The following KCNH3 variants were observed in gnomAD, a reference collection of about 807,000 sequenced individuals.
KCNH3 encodes the protein voltage-gated inwardly rectifying potassium channel KCNH3.
A neutral mutation model predicts 95.6 loss-of-function variants in KCNH3; 36 were observed. The observed-to-expected ratio is 0.38, with a 90% CI of 0.29 to 0.50. The LOEUF (loss-of-function observed/expected upper bound fraction) is 0.50. KCNH3 is among the 20% of genes least tolerant of loss of function. The probability of loss-of-function intolerance (pLI) is 0.95; values close to 1 mark genes in which losing one functional copy is unlikely to be tolerated. For synonymous variants in KCNH3, 620 were observed against 646.3 expected (o/e 0.96, Z 0.62); for missense variants, 1,030 against 1,484.1 (o/e 0.69, Z 5.03).
chr12:49,540,156 C>T (rs1246647380), intron 1 of KCNH3, among the ~76,000 whole-genome samples: 3 of 152,158 alleles, frequency 2.0e-5, no homozygotes, highest in African/African-American at 7.2e-5. Flanking sequence ...CTCACATCCC[C>T]CGTGGGGCTT....
Position 49,549,455 on chromosome 12 carries a change from G to A in KCNH3, c.1483G>A (p.Val495Met). 1 of 1,613,530 alleles carries A rather than the reference G, an allele frequency of 6.2e-7. No individual in the cohort carries two copies. Among genetic ancestry groups the A allele is most frequent in the Non-Finnish European group, 8.5e-7 (1 of 1,180,000 alleles). ...TMLIGALMHAVVFGNVTAIIQ... is the reference protein window; with the variant it reads ...TMLIGALMHAMVFGNVTAIIQ... ...CCCTCCCCCAGCCCTGATGCACGCG[G>A]TGGTGTTTGGGAACGTGACGGCCAT... is the stretch of plus-strand genomic sequence containing the variant. Residue 495 changes from valine (V) to methionine (M), a missense_variant, in exon 9 of 15, where the codon GTG becomes ATG. Val to Met is a conservative substitution (Grantham distance 21). Transcript: ENST00000257981.
rs1251352970 is a variant in KCNH3, at chr12:49,541,480, G to A, written c.311-150G>A. On this transcript the variant is annotated intron_variant, in intron 2 of 14. Coordinates refer to ENST00000257981, the MANE Select transcript of KCNH3 (RefSeq NM_012284.3). ...CCTTCCCCCAATTCCATCAAGCCCT[G>A]CCTTCAGTGAAACTGGACTGCCAGC... 1.7e-5 allele frequency: 15 copies of A among 897,774 alleles called. No individual in the cohort carries two copies. In the East Asian group the frequency reaches 3.6e-4, roughly 22 times the overall value. The allele number at this position is 897,774 out of a possible 1,614,324, so 55.6% of individuals were successfully genotyped here.
In KCNH3 at chr12:49,557,269, G is replaced by A; in HGVS notation, c.2652+10G>A. 1 of 1,613,952 alleles carries A rather than the reference G, an allele frequency of 6.2e-7. No individual in the cohort carries two copies. The highest frequency in any genetic ancestry group is 1.1e-5 in the South Asian group (1 of 91,066). ...CAAGCTTCGGCAGGCGGTGGGTGAG[G>A]GGGAAGGTGGAGGTGAGGGGGGCAC... On this transcript the variant is annotated intron_variant, in intron 14 of 14. Transcript: ENST00000257981.
rs766522629 is a variant in KCNH3, at chr12:49,557,209, G to A, written c.2602G>A (p.Gly868Arg). The change falls in exon 14 of 15, where the codon GGG (glycine) becomes AGG (arginine). Residue 868 changes from glycine to arginine, a missense_variant. Gly to Arg is a moderately radical substitution (Grantham distance 125). Coordinates refer to ENST00000257981, the MANE Select transcript of KCNH3 (RefSeq NM_012284.3). ...GAGCGGCCTGCTCACTGTTCCCCATGGGCCCAGCGAGGCAAGGAACACAGA... is the reference window on the plus strand; with the variant it reads ...GAGCGGCCTGCTCACTGTTCCCCATAGGCCCAGCGAGGCAAGGAACACAGA... ...PESGLLTVPH[G>R]PSEARNTDTL... The A allele has an allele frequency of 2.5e-6, 4 of 1,613,866 alleles. No homozygotes were observed. Among genetic ancestry groups the A allele is most frequent in the Admixed American group, 3.3e-5 (2 of 60,004 alleles).
intron 11 of KCNH3, among the ~76,000 whole-genome samples, chr12:49,554,782 C>T (rs1938377126): frequency 6.6e-6 from 1 of 152,204 alleles, no homozygotes; most frequent in African/African-American, 2.4e-5. Context: ...GGCAGCCTTA[C>T]CCTGTCCAGA....
chr12:49,558,086 A>G lies in KCNH3; in HGVS notation c.*133A>G. On this transcript the variant is annotated 3_prime_UTR_variant, in exon 15 of 15. Coordinates refer to ENST00000257981, the MANE Select transcript of KCNH3 (RefSeq NM_012284.3). ...GCTGGCTCAGGGCAGGGAGCCTGGA[A>G]GCAAAGGAGGACCTGGCTCCTGACT... The G allele has an allele frequency of 9.6e-7, 1 of 1,046,568 alleles. No homozygotes were observed. Among genetic ancestry groups the G allele is most frequent in the Non-Finnish European group, 1.3e-6 (1 of 778,730 alleles). The allele number at this position is 1,046,568 out of a possible 1,614,324, so 64.8% of individuals were successfully genotyped here.
chr12:49,542,621 C>A, intron 3 of KCNH3, 85 bp from the exon 4 acceptor site: 1 of 1,437,692 alleles, frequency 7.0e-7, no homozygotes, highest in Non-Finnish European at 9.2e-7. Flanking sequence ...AGTCCATGGG[C>A]CAGCAACTGT....
In KCNH3 at chr12:49,539,521, C is replaced by A; in HGVS notation, c.76+29C>A. On this transcript the variant is annotated intron_variant, in intron 1 of 14. Transcript: ENST00000257981. The surrounding 1 kb of genome is among the most constrained non-coding windows in gnomAD (Gnocchi z 6.7). ...AGTCCGACCCTCGCCCACTTGCACC[C>A]GGGCCGCCGGACCCTCGCCAGGGCT... The A allele has an allele frequency of 6.4e-7, 1 of 1,570,438 alleles. No homozygotes were observed. Among genetic ancestry groups the A allele is most frequent in the Non-Finnish European group, 8.6e-7 (1 of 1,158,450 alleles).
Position 49,555,620 on chromosome 12 carries a change from G to A in KCNH3, c.2137G>A (p.Val713Met). 6.5e-7 allele frequency: 1 copy of A among 1,534,046 alleles called. No individual in the cohort carries two copies. The change falls in exon 12 of 15, where the codon GTG becomes ATG. Residue 713 changes from valine (V) to methionine (M), a missense_variant and splice_region_variant. Val to Met is a conservative substitution (Grantham distance 21). This residue lies in a region of KCNH3 where 464 missense variants were observed against 493.2 expected (regional missense o/e 0.94). Transcript: ENST00000257981. ...NLGAGGGSAE[V>M]DTSSLSGDNT... is the part of the protein sequence containing the mutation. ...ATTCCCTGTCCCTCACTATCCCTAG[G>A]TGGACACCAGCTCCCTGAGCGGCGA... is the stretch of plus-strand genomic sequence containing the variant.
chr12:49,540,921 C>T lies in KCNH3; in HGVS notation c.99C>T (p.Asn33=), dbSNP rs139875282. The T allele has an allele frequency of 3.2e-5, 51 of 1,614,144 alleles. No individual in the cohort carries two copies. The South Asian group carries it at 3.8e-4, about 12-fold the overall frequency. ...CAGACAGTAACTTCGTGCTGGGCAA[C>T]GCCCAGGTGGCGGGGCTCTTCCCCG... is the stretch of plus-strand genomic sequence containing the variant. The part of the protein sequence containing the change: ...DGTHSNFVLG[N]AQVAGLFPVV... The change falls in exon 2 of 15, where the codon AAC becomes AAT. Residue 33 remains asparagine (N), a synonymous_variant. Transcript: ENST00000257981.
In KCNH3 at chr12:49,539,562, C is replaced by A; in HGVS notation, c.76+70C>A. 7.4e-7 allele frequency: 1 copy of A among 1,350,488 alleles called. No homozygotes were observed. 83.7% of individuals were successfully genotyped at this position (1,350,488 alleles called of 1,614,324 possible). A position where few individuals can be genotyped will look rare whatever the true frequency, so the allele number is the denominator to read the frequency against. On this transcript the variant is annotated intron_variant, in intron 1 of 14. Coordinates refer to ENST00000257981, the MANE Select transcript of KCNH3 (RefSeq NM_012284.3). The surrounding 1 kb of genome is among the most constrained non-coding windows in gnomAD (Gnocchi z 6.7). ...CGCCAGGGCTCCCGCCTTCCCCGAACCCCCAGCAGCCCAGCTTGGCGCCAG... is the reference window on the plus strand; with the variant it reads ...CGCCAGGGCTCCCGCCTTCCCCGAAACCCCAGCAGCCCAGCTTGGCGCCAG...
Position 49,542,729 on chromosome 12 carries a change from C to G in KCNH3, c.469C>G (p.Arg157Gly). 6.3e-7 allele frequency: 1 copy of G among 1,583,464 alleles called. No homozygotes were observed. The highest frequency in any genetic ancestry group is 8.6e-7 in the Non-Finnish European group (1 of 1,165,650). ...AGGTGGTGGCCGGCGCCGATATGGCCGGGCACGATCCAAAGGCTTCAATGC... is the reference window on the plus strand; with the variant it reads ...AGGTGGTGGCCGGCGCCGATATGGCGGGGCACGATCCAAAGGCTTCAATGC... ...ETGGGRRRYG[R>G]ARSKGFNANR... Residue 157 changes from arginine (R) to glycine (G), a missense_variant, in exon 4 of 15, where the codon CGG (arginine) becomes GGG (glycine). Physicochemically the swap from Arg to Gly is moderately radical, Grantham distance 125 (BLOSUM62 -2). Coordinates refer to ENST00000257981, the MANE Select transcript of KCNH3 (RefSeq NM_012284.3).
In KCNH3 at chr12:49,539,625, A is replaced by G. The variant is rs1158272213; in HGVS notation, c.76+133A>G. 3 of 733,210 alleles carry G rather than the reference A, an allele frequency of 4.1e-6. No individual in the cohort carries two copies. The Admixed American group carries it at 1.0e-4, about 25-fold the overall frequency. The allele number at this position is 733,210 out of a possible 1,614,324, so 45.4% of individuals were successfully genotyped here. A position where few individuals can be genotyped will look rare whatever the true frequency, so the allele number is the denominator to read the frequency against. The stretch of plus-strand genomic sequence containing the variant: ...CTCTCCTCCCTACCCGCCCCTCTTG[A>G]GGCTGGGGCCATCGTCTCCTGCTAG... On this transcript the variant is annotated intron_variant, in intron 1 of 14. Transcript: ENST00000257981. The surrounding 1 kb of genome is among the most constrained non-coding windows in gnomAD (Gnocchi z 6.7).
chr12:49,541,789 C>G, intron 3 of KCNH3, 25 bp downstream of exon 3: 2 of 1,612,986 alleles, frequency 1.2e-6, no homozygotes, highest in South Asian at 1.1e-5. Context: ...GTGCTGTGGT[C>G]GGGGTATTGG....
chr12:49,544,116 G>C, intron 6 of KCNH3, 44 bp downstream of exon 6: 2 of 1,605,730 alleles, frequency 1.2e-6, no homozygotes, highest in Non-Finnish European at 1.7e-6. Flanking sequence ...TTGGCCAGGG[G>C]ACAGGCAGGG....
In KCNH3 at chr12:49,556,489, C is replaced by G. The variant is rs548946709; in HGVS notation, c.2575+13C>G. On this transcript the variant is annotated intron_variant, in intron 13 of 14. Coordinates refer to ENST00000257981, the MANE Select transcript of KCNH3 (RefSeq NM_012284.3). Reference sequence around the variant, plus strand: ...TCCCCTGGACCAGGTACCAGGGCCCCGGGATGGTCTAGGTTGGTGGGGCAG... The same window carrying G: ...TCCCCTGGACCAGGTACCAGGGCCCGGGGATGGTCTAGGTTGGTGGGGCAG... The G allele has an allele frequency of 6.3e-7, 1 of 1,589,530 alleles. No homozygotes were observed. The highest frequency in any genetic ancestry group is 8.6e-7 in the Non-Finnish European group (1 of 1,157,742).
intron 13 of KCNH3, 77 bp downstream of exon 13, chr12:49,556,553 G>T: frequency 9.6e-7 from 1 of 1,041,936 alleles, no homozygotes; most frequent in Non-Finnish European, 1.5e-6. Flanking sequence ...GTTGACCTCT[G>T]AGCCTTCAAT....
rs1331734019 is a variant in KCNH3, at chr12:49,557,666, C to T, written c.2965C>T (p.Arg989Ter). The T allele has an allele frequency of 3.1e-6, 5 of 1,613,410 alleles. No individual in the cohort carries two copies. The highest frequency in any genetic ancestry group is 3.4e-6 in the Non-Finnish European group (4 of 1,179,926). Residue 989 changes from arginine to a stop codon, truncating the protein, a stop_gained, in exon 15 of 15, where the codon CGA becomes TGA. Transcript: ENST00000257981. LOFTEE classifies it high-confidence loss of function. ...PPASQSSPWP[R>*]ATAFWTSTSD... Reference sequence around the variant, plus strand: ...AGCGTCTCAGAGCTCCCCCTGGCCTCGAGCCACAGCTTTCTGGACCTCCAC... The same window carrying T: ...AGCGTCTCAGAGCTCCCCCTGGCCTTGAGCCACAGCTTTCTGGACCTCCAC...
chr12:49,552,260 C>G (rs1938288848), intron 10 of KCNH3, among the ~76,000 whole-genome samples: 1 of 152,208 alleles, frequency 6.6e-6, no homozygotes, highest in Non-Finnish European at 1.5e-5. Flanking sequence ...CCTCTCAGAG[C>G]ATGCCTTTGC....
Sources: gnomAD v4.1 joint callset for allele counts (sites outside exome capture counted in the v4.1 genomes callset) on GRCh38, gnomAD v4.1.1 for gene constraint, gnomAD v4.1.1 regional missense constraint, Gnocchi (gnomAD v3.1) non-coding constraint, MANE v1.5 for transcripts, NCBI Gene and HGNC (gene_info 2026-07-23, HGNC 2026-07-21) for gene names.